Variants in CPNE4 observed in about 807,000 individuals in gnomAD.
CPNE4 encodes copine-4.
In CPNE4, 25 loss-of-function variants were observed where a neutral mutation model predicts 67.9. The ratio of observed to expected loss-of-function variants is 0.37; its 90% CI spans 0.27 to 0.51. The LOEUF (loss-of-function observed/expected upper bound fraction) is 0.51, where lower values mean the gene tolerates loss of function less well. Among genes scored for constraint, CPNE4 ranks in the 20% least tolerant of loss-of-function variants. The probability of loss-of-function intolerance (pLI) is 0.93; values close to 1 mark genes in which losing one functional copy is unlikely to be tolerated. For missense variants in CPNE4, 464 were observed against 690.8 expected, an observed-to-expected ratio of 0.67 and a Z score of 3.68; for synonymous variants, 242 against 244.9, an observed-to-expected ratio of 0.99 and a Z score of 0.11.
At position 131,841,108 on chromosome 3, in the gene CPNE4, G is replaced by T. The variant is rs561533374; in HGVS notation, c.180+64156C>A. 1.1e-4 allele frequency among the ~76,000 whole-genome samples: 16 copies of T among 152,292 alleles called. No homozygotes were observed. In the South Asian group the frequency reaches 3.3e-3, roughly 32 times the overall value. ...CCATCAAGCCACTTCAGGAAGAGAG[G>T]AGTTACATAGGAAGTATCAGGTCTT... On this transcript the variant is annotated intron_variant, in intron 2 of 15. Coordinates refer to ENST00000429747, the MANE Select transcript of CPNE4 (RefSeq NM_130808.3).
chr3:131,800,662 C>CA (rs1467070358), intron 2 of CPNE4, among the ~76,000 whole-genome samples: 2 of 151,676 alleles, frequency 1.3e-5, no homozygotes, highest in African/African-American at 4.8e-5. Flanking sequence ...GGAGATCATT[C>CA]AAAAAAAGGA....
intron 2 of CPNE4, among the ~76,000 whole-genome samples, chr3:131,874,120 G>A (rs1388484628): frequency 6.1e-5 from 9 of 147,492 alleles, no homozygotes; most frequent in Non-Finnish European, 4.5e-5. Flanking sequence ...ACGGAATTTC[G>A]CTCTGTCGCC....
At chr3:131,836,908 C>T (rs1588700) in intron 2 of CPNE4, among the ~76,000 whole-genome samples, 149,670 of 152,282 alleles carry the variant, frequency 0.98, 73,621 homozygotes, top group Middle Eastern at 1. Flanking sequence ...ATTTAAAAAG[C>T]GGGTAAAATA....
At chr3:131,867,668 G>C (rs1273749086) in intron 2 of CPNE4, among the ~76,000 whole-genome samples, 1 of 152,126 alleles carries the variant, frequency 6.6e-6, no homozygotes, top group East Asian at 1.9e-4. Flanking sequence ...TTTATTTGAG[G>C]GAGGTAGGGC....
intron 1 of CPNE4, among the ~76,000 whole-genome samples, chr3:131,914,626 A>G (rs989945217): frequency 7.6e-6 from 1 of 130,746 alleles, no homozygotes; most frequent in Admixed American, 8.3e-5. Context: ...GAAAAGCTGT[A>G]TATATTTATA....
intron 7 of CPNE4, among the ~76,000 whole-genome samples, chr3:131,657,704 TTGTGTGTGTGTG>T (rs56890555): frequency 7.8e-5 from 11 of 140,858 alleles, no homozygotes; most frequent in Admixed American, 4.3e-4. Flanking sequence ...CCAGCTAATT[TTGTGTGTGTGTG>T]TGTGTGTGTG....
chr3:131,603,296 C>A (rs1377141462), intron 7 of CPNE4, among the ~76,000 whole-genome samples: 1 of 152,082 alleles, frequency 6.6e-6, no homozygotes, highest in African/African-American at 2.4e-5. Context: ...GATAGATGGA[C>A]TAATCTCTAT....
chr3:131,655,218 A>G (rs1015960274), intron 7 of CPNE4, among the ~76,000 whole-genome samples: 3 of 152,224 alleles, frequency 2.0e-5, no homozygotes, highest in Non-Finnish European at 4.4e-5. Context: ...AACTTGTCAG[A>G]AATGCAAGTC....
intron 5 of CPNE4, among the ~76,000 whole-genome samples, chr3:131,690,318 A>G (rs2081006163): frequency 6.6e-6 from 1 of 152,224 alleles, no homozygotes; most frequent in South Asian, 2.1e-4. Flanking sequence ...CCAAAGAAGC[A>G]TGGTACTGGG....
intron 14 of CPNE4, among the ~76,000 whole-genome samples, chr3:131,543,445 T>C (rs991829752): frequency 6.6e-6 from 1 of 152,234 alleles, no homozygotes; most frequent in African/African-American, 2.4e-5. Context: ...TTATTAAAAT[T>C]AAGCTGTAAC....
chr3:131,654,225 T>C (rs767778003), intron 7 of CPNE4, among the ~76,000 whole-genome samples: 1 of 152,184 alleles, frequency 6.6e-6, no homozygotes, highest in Non-Finnish European at 1.5e-5. Context: ...TACCTAAGAT[T>C]AGCTATGGGC....
At chr3:131,623,094 A>G (rs1640148544) in intron 7 of CPNE4, among the ~76,000 whole-genome samples, 1 of 152,170 alleles carries the variant, frequency 6.6e-6, no homozygotes, top group South Asian at 2.1e-4. Flanking sequence ...ATTGGAGACT[A>G]CAAAGAGTTA....
intron 2 of CPNE4, among the ~76,000 whole-genome samples, chr3:131,812,221 A>G (rs1047270264): frequency 4.0e-5 from 1 of 24,886 alleles, no homozygotes; most frequent in African/African-American, 1.3e-4. Context: ...AAATTGGAAG[A>G]AAAAAAAAAA....
chr3:131,874,386 C>A (rs2087351890), intron 2 of CPNE4, among the ~76,000 whole-genome samples: 1 of 152,192 alleles, frequency 6.6e-6, no homozygotes, highest in Non-Finnish European at 1.5e-5. Context: ...CCGCGCCTGG[C>A]CTCAGTTGTT....
chr3:131,743,406 C>A (rs1261201491), intron 2 of CPNE4, among the ~76,000 whole-genome samples: 4 of 152,108 alleles, frequency 2.6e-5, no homozygotes, highest in Non-Finnish European at 5.9e-5. Flanking sequence ...CTAGACAGCT[C>A]ACCAATTAAT....
At chr3:131,560,791 G>T (rs776660201) in intron 11 of CPNE4, among the ~76,000 whole-genome samples, 1 of 152,012 alleles carries the variant, frequency 6.6e-6, no homozygotes, top group Non-Finnish European at 1.5e-5. Context: ...TGGATACCTA[G>T]CAGGATAAAG....
rs576413453 is a variant in CPNE4 at position 131,940,306 on chromosome 3, T to C, written c.-1-34862A>G. Among the ~76,000 whole-genome samples the C allele has an allele frequency of 1.1e-4, 17 of 152,220 alleles. No individual in the cohort carries two copies. The East Asian group carries it at 3.1e-3, about 28-fold the overall frequency. On this transcript the variant is annotated intron_variant, in intron 1 of 15. Transcript: ENST00000429747. ...CATACTGAATACTAAACTGGAAATA[T>C]AGTATGATGCCAATTATATAACTCA...
At chr3:131,957,911 A>G (rs1018853581) in intron 1 of CPNE4, among the ~76,000 whole-genome samples, 2 of 152,234 alleles carry the variant, frequency 1.3e-5, no homozygotes, top group Non-Finnish European at 2.9e-5. Flanking sequence ...CAGATGTGAA[A>G]ACTTCTAAAC....
intron 4 of CPNE4, among the ~76,000 whole-genome samples, chr3:131,698,348 CT>C (rs1332731130): frequency 6.6e-6 from 1 of 150,470 alleles, no homozygotes; most frequent in Non-Finnish European, 1.5e-5. Flanking sequence ...AGATTTTGTT[CT>C]TTTGAGAAAG....
Sources: gnomAD v4.1 joint callset for allele counts (sites outside exome capture counted in the v4.1 genomes callset) on GRCh38, gnomAD v4.1.1 for gene constraint, MANE v1.5 for transcripts, NCBI Gene and HGNC (gene_info 2026-07-23, HGNC 2026-07-21) for gene names.